Variants in MORN1 observed in about 807,000 individuals in gnomAD.
MORN1 encodes the protein MORN repeat-containing protein 1.
A neutral mutation model predicts 61.9 loss-of-function variants in MORN1; 67 were observed. The observed-to-expected ratio is 1.08, with a 90% CI of 0.89 to 1.33. The LOEUF (loss-of-function observed/expected upper bound fraction) is 1.33. Among genes scored for constraint, MORN1 ranks in the 40% most tolerant of loss-of-function variants. The pLI, the probability that MORN1 is intolerant of heterozygous loss-of-function variation, is 0.00. For missense variants in MORN1, 752 were observed against 691.2 expected, an observed-to-expected ratio of 1.09 and a Z score of -0.99; for synonymous variants, 301 against 292.0, an observed-to-expected ratio of 1.03 and a Z score of -0.31.
intron 13 of MORN1, 111 bp from the exon 14 acceptor site, chr1:2,321,690 C>G: frequency 7.6e-7 from 1 of 1,324,384 alleles, no homozygotes; most frequent in Non-Finnish European, 9.9e-7. Flanking sequence ...GCCCCCGACC[C>G]TGGTCATCTC....
intron 10 of MORN1, among the ~76,000 whole-genome samples, chr1:2,355,913 G>C (rs988149259): frequency 6.6e-6 from 1 of 152,214 alleles, no homozygotes; most frequent in African/African-American, 2.4e-5. Context: ...AGATGTGAGG[G>C]AGGCTTTGGG....
intron 13 of MORN1, chr1:2,322,132 G>A: frequency 3.0e-6 from 3 of 985,420 alleles, no homozygotes; most frequent in Non-Finnish European, 3.6e-6. Context: ...CCCTGCTGGG[G>A]GCACTCGGCA....
At chr1:2,341,467 C>T (rs955279152) in intron 10 of MORN1, among the ~76,000 whole-genome samples, 8 of 152,056 alleles carry the variant, frequency 5.3e-5, no homozygotes, top group African/African-American at 1.4e-4. Flanking sequence ...CCAAAGCAGG[C>T]GGATCAGGAG....
In MORN1 at chr1:2,336,744, G is replaced by C. The variant is rs754572807; in HGVS notation, c.1143C>G (p.Pro381=). The C allele has an allele frequency of 5.0e-5, 80 of 1,591,640 alleles. No homozygotes were observed. Among genetic ancestry groups the C allele is most frequent in the Non-Finnish European group, 6.5e-5 (76 of 1,169,644 alleles). The change falls in exon 11 of 14, where the codon CCC becomes CCG. Residue 381 remains proline, a synonymous_variant. Transcript: ENST00000378531. ...TGTGGAGGCTGTCCAGGAACAGGAA[G>C]GGGTGGTACCCAGGCGGGGGCGGCC... The part of the protein sequence containing the change: ...LLGPPPPGYH[P]FLFLDSLHKK...
intron 5 of MORN1, 69 bp from the exon 6 acceptor site, chr1:2,385,134 C>T: frequency 6.8e-7 from 1 of 1,478,262 alleles, no homozygotes; most frequent in Non-Finnish European, 9.2e-7. Context: ...CTCAGACCGG[C>T]TCCTCCCACC....
chr1:2,345,812 C>A (rs796769739), intron 10 of MORN1, among the ~76,000 whole-genome samples: 71 of 145,448 alleles, frequency 4.9e-4, no homozygotes, highest in African/African-American at 1.7e-3. Context: ...AGCACACACA[C>A]AGCCACATGT....
chr1:2,382,672 C>T (rs963677878), intron 6 of MORN1, among the ~76,000 whole-genome samples: 1 of 152,184 alleles, frequency 6.6e-6, no homozygotes, highest in South Asian at 2.1e-4. Flanking sequence ...TGCCCCAGCA[C>T]GTGGTGAAGT....
At chr1:2,351,850 C>T in intron 10 of MORN1, 2 of 514,826 alleles carry the variant, frequency 3.9e-6, no homozygotes, top group Non-Finnish European at 7.5e-6. Context: ...CTACTCTTGC[C>T]CACGGTCACG....
intron 8 of MORN1, among the ~76,000 whole-genome samples, chr1:2,370,669 TTC>T (rs1226987637): frequency 7.2e-5 from 9 of 124,710 alleles, no homozygotes; most frequent in Non-Finnish European, 1.0e-4. Context: ...TCATTTTTTT[TTC>T]TTCTTTTTTT....
At chr1:2,342,843 TTTTATTTTATTTTATTTTATTTTA>T (rs1361380341) in intron 10 of MORN1, among the ~76,000 whole-genome samples, 1 of 94,214 alleles carries the variant, frequency 1.1e-5, no homozygotes. Context: ...TTATTTTATA[TTTTATTTTATTTTATTTTATTTTA>T]TTTATTTTAT....
In MORN1 at chr1:2,372,582, G is replaced by T; in HGVS notation, c.644C>A (p.Thr215Lys). The part of the protein sequence containing the change: ...WINGHPAEQA[T>K]RIVILGPEVM... ...CTCCGGACCCAAGATCACGATCCTC[G>T]TAGCTTGTTCTGGGAGAGGACAGAG... is the stretch of plus-strand genomic sequence containing the variant. The change falls in exon 8 of 14, where the codon ACG becomes AAG. Residue 215 changes from threonine to lysine, a missense_variant. By Grantham distance (78) the Thr-to-Lys change is moderately conservative (BLOSUM62 -1). Coordinates refer to ENST00000378531, the MANE Select transcript of MORN1 (RefSeq NM_024848.3). This position sits in a 1 kb window ranked among gnomAD's most constrained non-coding sequence, Gnocchi z 5.4. 6.2e-7 allele frequency: 1 copy of T among 1,613,068 alleles called. No individual in the cohort carries two copies. Among genetic ancestry groups the T allele is most frequent in the Admixed American group, 1.7e-5 (1 of 59,888 alleles).
intron 8 of MORN1, chr1:2,371,604 A>T (rs898403953): frequency 6.6e-6 from 1 of 152,222 alleles, no homozygotes; most frequent in African/African-American, 2.4e-5. Context: ...TTGGAAAAAC[A>T]GTTTAGCAGT....
intron 5 of MORN1, 44 bp from the exon 6 acceptor site, chr1:2,385,109 G>A (rs763612713): frequency 1.6e-5 from 24 of 1,545,866 alleles, no homozygotes; most frequent in Middle Eastern, 2.3e-4. Flanking sequence ...AGGGGGAGCC[G>A]GGTGGTGGCA....
intron 12 of MORN1, among the ~76,000 whole-genome samples, chr1:2,329,974 C>T (rs1009747315): frequency 1.3e-5 from 2 of 152,014 alleles, no homozygotes; most frequent in African/African-American, 2.4e-5. Context: ...GAGGGAGCTC[C>T]GGGTGAGGGG....
intron 10 of MORN1, among the ~76,000 whole-genome samples, chr1:2,356,152 G>A (rs1175938760): frequency 6.6e-6 from 1 of 152,178 alleles, no homozygotes; most frequent in Non-Finnish European, 1.5e-5. Flanking sequence ...GAGGCGGCGC[G>A]ACGGCCGCCT....
At chr1:2,323,433 G>A (rs1228017679) in intron 13 of MORN1, 3 of 985,312 alleles carry the variant, frequency 3.0e-6, no homozygotes, top group Non-Finnish European at 3.6e-6. Flanking sequence ...AGGTGACAGA[G>A]AGGCTCCATT....
At position 2,321,295 on chromosome 1, in the gene MORN1, C is replaced by G; in HGVS notation, c.*88G>C. On this transcript the variant is annotated 3_prime_UTR_variant, in exon 14 of 14. Coordinates refer to ENST00000378531, the MANE Select transcript of MORN1 (RefSeq NM_024848.3). ...TTTATTCAAGCCAGCAACCACGGGG[C>G]TCTGGAGAATCGGGGAGCAGAGTCA... 9.8e-7 allele frequency: 1 copy of G among 1,021,762 alleles called. No individual in the cohort carries two copies. The highest frequency in any genetic ancestry group is 3.1e-5 in the Admixed American group (1 of 32,322). The allele number at this position is 1,021,762 out of a possible 1,614,324, so 63.3% of individuals were successfully genotyped here.
intron 12 of MORN1, among the ~76,000 whole-genome samples, chr1:2,329,161 G>A (rs1284935332): frequency 1.3e-5 from 2 of 152,122 alleles, no homozygotes; most frequent in African/African-American, 2.4e-5. Context: ...GTGGGTGTGC[G>A]AAGAGTTAAC....
At chr1:2,380,567 A>G (rs1013496050) in intron 6 of MORN1, among the ~76,000 whole-genome samples, 4 of 152,174 alleles carry the variant, frequency 2.6e-5, no homozygotes, top group Admixed American at 2.6e-4. Context: ...TTTTTGAGAC[A>G]GGGTCTTGCT....
Sources: gnomAD v4.1 joint callset for allele counts (sites outside exome capture counted in the v4.1 genomes callset) on GRCh38, gnomAD v4.1.1 for gene constraint, Gnocchi (gnomAD v3.1) non-coding constraint, MANE v1.5 for transcripts, NCBI Gene and HGNC (gene_info 2026-07-23, HGNC 2026-07-21) for gene names.